Variants in OR51G2 observed in about 807,000 individuals in gnomAD.
OR51G2 encodes the protein olfactory receptor 51G2.
A neutral mutation model predicts 11.8 loss-of-function variants in OR51G2; 13 were observed. The ratio of observed to expected loss-of-function variants is 1.10; its 90% CI spans 0.72 to 1.76. OR51G2 has a LOEUF of 1.76. OR51G2 is among the 40% of genes most tolerant of loss of function. OR51G2 has a pLI of 0.00. For missense variants in OR51G2, 474 were observed against 394.4 expected (o/e 1.20, Z -1.71); for synonymous variants, 178 against 151.9 (o/e 1.17, Z -1.26).
In OR51G2 at chr11:4,915,184, G is replaced by A. The variant is rs1422385651; in HGVS notation, c.480C>T (p.Leu160=). ...TGAGCATAAAAGGTAATGGAAAAAT[G>A]AGTGCTACACTACGACCCAGAGAGA... The part of the protein sequence containing the change: ...GLVSLGRSVA[L]IFPLPFMLKR... Residue 160 remains leucine (L), a synonymous_variant, in exon 2 of 2, where the codon CTC becomes CTT. Coordinates refer to ENST00000641926, the MANE Select transcript of OR51G2 (RefSeq NM_001005238.2). The A allele has an allele frequency of 3.7e-6, 6 of 1,614,048 alleles. No individual in the cohort carries two copies. Among genetic ancestry groups the A allele is most frequent in the African/African-American group, 1.3e-5 (1 of 75,038 alleles).
At position 4,915,212 on chromosome 11, in the gene OR51G2, A is replaced by G; in HGVS notation, c.452T>C (p.Leu151Pro). The change falls in exon 2 of 2, where the codon CTG (leucine) becomes CCG (proline). Residue 151 changes from leucine (L) to proline (P), a missense_variant. By Grantham distance (98) the Leu-to-Pro change is moderately conservative (BLOSUM62 -3). Coordinates refer to ENST00000641926, the MANE Select transcript of OR51G2 (RefSeq NM_001005238.2). ...LTNTVIGRIG[L>P]VSLGRSVALI... ...TGCTACACTACGACCCAGAGAGACC[A>G]GGCCAATCCTGCCAATGACTGTGTT... 1 of 1,614,058 alleles carries G rather than the reference A, an allele frequency of 6.2e-7. No homozygotes were observed. Among genetic ancestry groups the G allele is most frequent in the Non-Finnish European group, 8.5e-7 (1 of 1,180,018 alleles).
chr11:4,914,474 G>A lies in OR51G2; in HGVS notation c.*245C>T. 2 of 451,592 alleles carry A rather than the reference G, an allele frequency of 4.4e-6. No individual in the cohort carries two copies. Among genetic ancestry groups the A allele is most frequent in the Non-Finnish European group, 7.9e-6 (2 of 252,456 alleles). The allele number at this position is 451,592 out of a possible 1,614,324, so 28.0% of individuals were successfully genotyped here. ...TGAGGAGTAGCAAGTTCCTGGAAGA[G>A]CATGTGGGTTTAGAATTATTGCTGT... On this transcript the variant is annotated 3_prime_UTR_variant, in exon 2 of 2. Coordinates refer to ENST00000641926, the MANE Select transcript of OR51G2 (RefSeq NM_001005238.2).
In OR51G2 at chr11:4,915,524, T is replaced by C. The variant is rs763403659; in HGVS notation, c.140A>G (p.Asn47Ser). ...TTTAATGATAAAAAGAATTGTGCAG[T>C]TGCCCGGGATGGAAACCAGATACAT... ...CFMYLVSIPG[N>S]CTILFIIKTE... Residue 47 changes from asparagine to serine, a missense_variant, in exon 2 of 2, where the codon AAC (asparagine) becomes AGC (serine). Physicochemically the swap from Asn to Ser is conservative, Grantham distance 46 (BLOSUM62 1). Coordinates refer to ENST00000641926, the MANE Select transcript of OR51G2 (RefSeq NM_001005238.2). 5.6e-6 allele frequency: 9 copies of C among 1,613,960 alleles called. No homozygotes were observed. The African/African-American group carries it at 1.1e-4, about 19-fold the overall frequency.
Position 4,912,607 on chromosome 11 carries a change from A to G in OR51G2, c.*2112T>C, listed in dbSNP as rs182101606. The G allele has an allele frequency of 1.3e-5, 2 of 152,320 alleles. No individual in the cohort carries two copies. The highest frequency in any genetic ancestry group is 4.8e-5 in the African/African-American group (2 of 41,568). 9.4% of individuals were successfully genotyped at this position (152,320 alleles called of 1,614,324 possible). On this transcript the variant is annotated 3_prime_UTR_variant, in exon 2 of 2. Transcript: ENST00000641926. ...TCATAGGCCTTTTGCATGTTAATAC[A>G]CACAATTCACATATACACATTGTAA...
Position 4,914,733 on chromosome 11 carries a change from C to T in OR51G2, c.931G>A (p.Ala311Thr), listed in dbSNP as rs760222804. 8.1e-6 allele frequency: 13 copies of T among 1,610,802 alleles called. No individual in the cohort carries two copies. The Admixed American group carries it at 2.0e-4, about 25-fold the overall frequency. The change falls in exon 2 of 2, where the codon GCC (alanine) becomes ACC (threonine). Residue 311 changes from alanine to threonine, a missense_variant. By Grantham distance (58) the Ala-to-Thr change is moderately conservative (BLOSUM62 0). Transcript: ENST00000641926. The stretch of plus-strand genomic sequence containing the variant: ...ACTAGACACAGTTAGTAACAAAAGG[C>T]ATGCGTCACTCGATCCCGGATCTGT... ...TKQIRDRVTH[A>T]FCY is the part of the protein sequence containing the mutation.
chr11:4,918,109 A>G (rs957828092), intron 1 of OR51G2, among the ~76,000 whole-genome samples: 2 of 152,052 alleles, frequency 1.3e-5, no homozygotes, highest in African/African-American at 4.8e-5. Flanking sequence ...GCAAGTTAGT[A>G]TTATTGTCTC....
In OR51G2 at chr11:4,913,803, T is replaced by C. The variant is rs533077097; in HGVS notation, c.*916A>G. On this transcript the variant is annotated 3_prime_UTR_variant, in exon 2 of 2. Transcript: ENST00000641926. ...CTTCAGCTTTGCACATGCTGTTCCT[T>C]TGGACTGGAACATATTTTTGTCTCC... is the stretch of plus-strand genomic sequence containing the variant. 6.6e-6 allele frequency: 1 copy of C among 152,320 alleles called. No homozygotes were observed. The highest frequency in any genetic ancestry group is 1.9e-4 in the East Asian group (1 of 5,170). The allele number at this position is 152,320 out of a possible 1,614,324, so 9.4% of individuals were successfully genotyped here.
chr11:4,913,089 GA>G lies in OR51G2; in HGVS notation c.*1629del, dbSNP rs1329704116. ...CTTAACTTTTCAGCTTCAGAGCAATGACCCCATTCCTTCGGGGTCTGTGTTA... is the reference window on the plus strand; with the variant it reads ...CTTAACTTTTCAGCTTCAGAGCAATGCCCCATTCCTTCGGGGTCTGTGTTA... On this transcript the variant is annotated 3_prime_UTR_variant, in exon 2 of 2. Coordinates refer to ENST00000641926, the MANE Select transcript of OR51G2 (RefSeq NM_001005238.2). The G allele has an allele frequency of 6.6e-6, 1 of 152,176 alleles. No individual in the cohort carries two copies. Among genetic ancestry groups the G allele is most frequent in the Non-Finnish European group, 1.5e-5 (1 of 68,034 alleles). 9.4% of individuals were successfully genotyped at this position (152,176 alleles called of 1,614,324 possible).
chr11:4,914,553 T>A lies in OR51G2; in HGVS notation c.*166A>T, dbSNP rs1046129607. The A allele has an allele frequency of 7.1e-6, 4 of 566,176 alleles. 1 individual carries two copies. In the South Asian group the frequency reaches 8.0e-5, roughly 11 times the overall value. 35.1% of individuals were successfully genotyped at this position (566,176 alleles called of 1,614,324 possible). On this transcript the variant is annotated 3_prime_UTR_variant, in exon 2 of 2. Transcript: ENST00000641926. ...CATCATATTACATTTTACCCCCCCC[T>A]GCCCTGGCCACAACAGAGTGAGGGT... is the stretch of plus-strand genomic sequence containing the variant.
At position 4,913,757 on chromosome 11, in the gene OR51G2, C is replaced by G. The variant is rs1433559566; in HGVS notation, c.*962G>C. ...CACTTCAGATAATTCTCAGAATACA[C>G]TGTCCTCTCTCTCACTTCTGCTTCA... On this transcript the variant is annotated 3_prime_UTR_variant, in exon 2 of 2. Transcript: ENST00000641926. 6.6e-6 allele frequency: 1 copy of G among 152,138 alleles called. No individual in the cohort carries two copies. Among genetic ancestry groups the G allele is most frequent in the Non-Finnish European group, 1.5e-5 (1 of 68,026 alleles). The allele number at this position is 152,138 out of a possible 1,614,324, so 9.4% of individuals were successfully genotyped here. A position where few individuals can be genotyped will look rare whatever the true frequency, so the allele number is the denominator to read the frequency against.
Position 4,915,627 on chromosome 11 carries a change from C to CGCT in OR51G2, c.34_36dup (p.Ser12dup). 1 of 1,613,578 alleles carries CGCT rather than the reference C, an allele frequency of 6.2e-7. No homozygotes were observed. The highest frequency in any genetic ancestry group is 8.5e-7 in the Non-Finnish European group (1 of 1,179,726). On this transcript the variant is annotated inframe_insertion, in exon 2 of 2. Transcript: ENST00000641926. The stretch of plus-strand genomic sequence containing the variant: ...CCACTCAGCAGGAAGGTAGCAGAAA[C>CGCT]GCTGCTGCTGCTGTTTCCCAGGGAT...
rs1851011129 is a variant in OR51G2, at chr11:4,912,806, G to T, written c.*1913C>A. On this transcript the variant is annotated 3_prime_UTR_variant, in exon 2 of 2. Coordinates refer to ENST00000641926, the MANE Select transcript of OR51G2 (RefSeq NM_001005238.2). The stretch of plus-strand genomic sequence containing the variant: ...GTTTTTTAAAATGTAAAAAACTATA[G>T]AATGCTAGAGAAGACCTTTTCCCAC... The T allele has an allele frequency of 1.3e-5, 2 of 151,922 alleles. No individual in the cohort carries two copies. Among genetic ancestry groups the T allele is most frequent in the East Asian group, 1.9e-4 (1 of 5,184 alleles). The allele number at this position is 151,922 out of a possible 1,614,324, so 9.4% of individuals were successfully genotyped here.
At chr11:4,917,643 T>A (rs1176847397) in intron 1 of OR51G2, among the ~76,000 whole-genome samples, 1 of 152,214 alleles carries the variant, frequency 6.6e-6, no homozygotes, top group Non-Finnish European at 1.5e-5. Context: ...CCGTGATCAG[T>A]GGTTACCACA....
At chr11:4,916,643 C>T (rs1163167787) in intron 1 of OR51G2, among the ~76,000 whole-genome samples, 1 of 152,152 alleles carries the variant, frequency 6.6e-6, no homozygotes, top group Non-Finnish European at 1.5e-5. Flanking sequence ...AGAAGCTTAG[C>T]CTTGTCCAAG....
Position 4,915,715 on chromosome 11 carries a change from A to G in OR51G2, c.-52T>C, listed in dbSNP as rs1186159009. The G allele has an allele frequency of 7.7e-7, 1 of 1,302,984 alleles. No individual in the cohort carries two copies. Among genetic ancestry groups the G allele is most frequent in the East Asian group, 2.3e-5 (1 of 42,922 alleles). 80.7% of individuals were successfully genotyped at this position (1,302,984 alleles called of 1,614,324 possible). On this transcript the variant is annotated 5_prime_UTR_variant, in exon 2 of 2. Coordinates refer to ENST00000641926, the MANE Select transcript of OR51G2 (RefSeq NM_001005238.2). ...GGTGCCCTCCAAAATCCTGAAGTAA[A>G]TTGAGGCAGTACTGGTGATTGCACC...
In OR51G2 at chr11:4,914,939, G is replaced by A. The variant is rs1221414157; in HGVS notation, c.725C>T (p.Ala242Val). Residue 242 changes from alanine (A) to valine (V), a missense_variant, in exon 2 of 2, where the codon GCC becomes GTC. Ala to Val is a moderately conservative substitution (Grantham distance 64). Transcript: ENST00000641926. ...SIASRAERFK[A>V]LNTCVSHICA... ...GATGTGGGAAACACAGGTGTTAAGG[G>A]CCTTGAATCTCTCAGCCCTGGAGGC... 5.0e-6 allele frequency: 8 copies of A among 1,613,990 alleles called. No individual in the cohort carries two copies. The highest frequency in any genetic ancestry group is 2.2e-5 in the South Asian group (2 of 91,084).
chr11:4,916,335 A>C (rs1851091101), intron 1 of OR51G2, among the ~76,000 whole-genome samples: 1 of 151,310 alleles, frequency 6.6e-6, no homozygotes, highest in African/African-American at 2.4e-5. Context: ...AAGAAGTGAG[A>C]GTTTCCTCAT....
rs778038541 is a variant in OR51G2 at position 4,915,453 on chromosome 11, G to C, written c.211C>G (p.Leu71Val). Reference sequence around the variant, plus strand: ...GAGAGACCCAGGTCAATCAGAGCCAGCATGGACAGGAAGAGATACATAGGT... The same window carrying C: ...GAGAGACCCAGGTCAATCAGAGCCACCATGGACAGGAAGAGATACATAGGT... The part of the protein sequence containing the change: ...HEPMYLFLSM[L>V]ALIDLGLSLC... The change falls in exon 2 of 2, where the codon CTG becomes GTG. Residue 71 changes from leucine to valine, a missense_variant. By Grantham distance (32) the Leu-to-Val change is conservative (BLOSUM62 1). Transcript: ENST00000641926. 6.2e-7 allele frequency: 1 copy of C among 1,614,000 alleles called. No homozygotes were observed. Among genetic ancestry groups the C allele is most frequent in the Admixed American group, 1.7e-5 (1 of 59,996 alleles).
At position 4,914,361 on chromosome 11, in the gene OR51G2, A is replaced by G. The variant is rs1304143872; in HGVS notation, c.*358T>C. ...GAAGAGAGAGAGAGAGAGAAGATAC[A>G]TGGGCTATTTCCACAATACTCAATT... On this transcript the variant is annotated 3_prime_UTR_variant, in exon 2 of 2. Transcript: ENST00000641926. 8 of 182,146 alleles carry G rather than the reference A, an allele frequency of 4.4e-5. No homozygotes were observed. The highest frequency in any genetic ancestry group is 1.5e-4 in the East Asian group (1 of 6,796). The allele number at this position is 182,146 out of a possible 1,614,324, so 11.3% of individuals were successfully genotyped here.
Sources: allele counts gnomAD v4.1 joint callset (sites outside exome capture counted in the v4.1 genomes callset), GRCh38; gene constraint gnomAD v4.1.1; transcripts MANE v1.5; gene names NCBI Gene and HGNC (gene_info 2026-07-23, HGNC 2026-07-21).